Variants in SPTLC3 observed in about 807,000 individuals in gnomAD.
SPTLC3 encodes the protein serine palmitoyltransferase long chain base subunit 3.
In SPTLC3, 36 loss-of-function variants were observed where a neutral mutation model predicts 59.3. The ratio of observed to expected loss-of-function variants is 0.61; its 90% CI spans 0.47 to 0.80. The LOEUF is 0.80. Ranked by LOEUF, SPTLC3 falls within the 30% of genes least tolerant of loss-of-function variation. The pLI is 0.00. For missense variants in SPTLC3, 625 were observed against 685.1 expected, an observed-to-expected ratio of 0.91 and a Z score of 0.98; for synonymous variants, 257 against 240.8, an observed-to-expected ratio of 1.07 and a Z score of -0.62.
intron 6 of SPTLC3, among the ~76,000 whole-genome samples, chr20:13,097,844 A>G (rs1008744468): frequency 1.9e-4 from 29 of 152,332 alleles, no homozygotes; most frequent in African/African-American, 6.5e-4. Context: ...AAAGAACAGT[A>G]TCAGCCAAGT....
chr20:13,160,310 A>G (rs1159458152), intron 11 of SPTLC3, among the ~76,000 whole-genome samples, 178 bp downstream of exon 11: 1 of 152,194 alleles, frequency 6.6e-6, no homozygotes, highest in Non-Finnish European at 1.5e-5. Context: ...CACTGTGACC[A>G]CTCAGTAGAT....
chr20:13,027,653 A>G (rs1364692527), intron 1 of SPTLC3, among the ~76,000 whole-genome samples: 14 of 143,070 alleles, frequency 9.8e-5, no homozygotes, highest in Non-Finnish European at 1.5e-4. Flanking sequence ...ACACACACAC[A>G]CACACACACA....
chr20:13,041,859 G>T (rs745555207), intron 1 of SPTLC3, among the ~76,000 whole-genome samples: 4 of 151,902 alleles, frequency 2.6e-5, no homozygotes, highest in Non-Finnish European at 2.9e-5. Flanking sequence ...CTTAGAGAGT[G>T]CAGACTTCAG....
chr20:13,117,734 G>C lies in SPTLC3; in HGVS notation c.1152+9G>C. ...ACATAGCTGGAAGGAAGGTAAGAGA[G>C]GGCCTGCTTGTGTCTGTTTAAAACC... On this transcript the variant is annotated intron_variant, in intron 8 of 11. Transcript: ENST00000399002. 1 of 1,601,386 alleles carries C rather than the reference G, an allele frequency of 6.2e-7. No homozygotes were observed. The highest frequency in any genetic ancestry group is 8.5e-7 in the Non-Finnish European group (1 of 1,174,666).
chr20:13,091,045 A>G, intron 4 of SPTLC3, 38 bp from the exon 5 acceptor site: 3 of 1,608,706 alleles, frequency 1.9e-6, no homozygotes, highest in East Asian at 2.2e-5. Flanking sequence ...GCCTTGTTGA[A>G]AAGAGAAGGC....
At chr20:13,124,321 G>C (rs1187305479) in intron 8 of SPTLC3, among the ~76,000 whole-genome samples, 2 of 151,944 alleles carry the variant, frequency 1.3e-5, no homozygotes, top group Admixed American at 1.3e-4. Flanking sequence ...GGGGGAGGGG[G>C]AGAAGAAAAG....
chr20:13,092,269 G>A (rs1034218369), intron 5 of SPTLC3, among the ~76,000 whole-genome samples: 2 of 152,252 alleles, frequency 1.3e-5, no homozygotes, highest in Non-Finnish European at 2.9e-5. Context: ...AAATGGCAAT[G>A]AGCCATGTAA....
At chr20:13,124,960 A>G (rs1171120853) in intron 8 of SPTLC3, among the ~76,000 whole-genome samples, 2 of 152,212 alleles carry the variant, frequency 1.3e-5, no homozygotes, top group Admixed American at 1.3e-4. Context: ...ACACCTGCCT[A>G]AGTGGGATTC....
intron 9 of SPTLC3, chr20:13,132,820 T>G (rs1037676276): frequency 6.6e-6 from 1 of 152,134 alleles, no homozygotes; most frequent in African/African-American, 2.4e-5. Context: ...CCCCTTCTTT[T>G]TCCAACAGCC....
chr20:13,040,780 T>A (rs1986949764), intron 1 of SPTLC3, among the ~76,000 whole-genome samples: 1 of 152,112 alleles, frequency 6.6e-6, no homozygotes, highest in Admixed American at 6.5e-5. Context: ...GGTCTGCTAT[T>A]AACAGATTCT....
intron 11 of SPTLC3, among the ~76,000 whole-genome samples, chr20:13,160,993 G>A (rs553765101): frequency 3.3e-5 from 5 of 152,108 alleles, no homozygotes; most frequent in African/African-American, 4.8e-5. Context: ...TGAAATAAAC[G>A]TGACAAATGA....
At chr20:13,036,361 C>T (rs1986736104) in intron 1 of SPTLC3, among the ~76,000 whole-genome samples, 1 of 151,972 alleles carries the variant, frequency 6.6e-6, no homozygotes, top group East Asian at 1.9e-4. Flanking sequence ...TCTTCCTCCT[C>T]CTCCTCCTCC....
chr20:13,153,156 T>C (rs981561794), intron 9 of SPTLC3, among the ~76,000 whole-genome samples: 1 of 152,238 alleles, frequency 6.6e-6, no homozygotes. Flanking sequence ...AAACACTATC[T>C]AGCTTTGGCT....
intron 1 of SPTLC3, among the ~76,000 whole-genome samples, chr20:13,026,285 C>G (rs779835381): frequency 1.3e-5 from 2 of 152,134 alleles, no homozygotes; most frequent in African/African-American, 2.4e-5. Context: ...CTGTTTTTAG[C>G]TCTTTGAGGA....
At chr20:13,163,264 CT>C (rs1420349939) in intron 11 of SPTLC3, among the ~76,000 whole-genome samples, 4 of 149,884 alleles carry the variant, frequency 2.7e-5, no homozygotes, top group African/African-American at 9.8e-5. Flanking sequence ...GCTACTCGAA[CT>C]GCTGAGGCAG....
intron 6 of SPTLC3, among the ~76,000 whole-genome samples, chr20:13,105,821 A>G (rs1989860208): frequency 6.6e-6 from 1 of 152,142 alleles, no homozygotes; most frequent in Admixed American, 6.5e-5. Context: ...CATTCAGAGG[A>G]TTTGGTTATA....
chr20:13,101,732 G>A (rs970742122), intron 6 of SPTLC3, among the ~76,000 whole-genome samples: 1 of 152,084 alleles, frequency 6.6e-6, no homozygotes, highest in Non-Finnish European at 1.5e-5. Context: ...ATATGCACAC[G>A]AGGTACTTGG....
intron 9 of SPTLC3, among the ~76,000 whole-genome samples, chr20:13,132,051 C>A (rs1013210329): frequency 1.3e-5 from 2 of 152,080 alleles, no homozygotes; most frequent in Non-Finnish European, 2.9e-5. Flanking sequence ...TCTGACCTAT[C>A]GGCATAGCCC....
At chr20:13,068,603 AGT>A (rs1279075252) in intron 2 of SPTLC3, among the ~76,000 whole-genome samples, 8 of 152,282 alleles carry the variant, frequency 5.3e-5, no homozygotes, top group African/African-American at 1.9e-4. Context: ...CCCAAAAGCA[AGT>A]CAGTTCATTC....
Sources: gnomAD v4.1 joint callset for allele counts (sites outside exome capture counted in the v4.1 genomes callset) on GRCh38, gnomAD v4.1.1 for gene constraint, MANE v1.5 for transcripts, NCBI Gene and HGNC (gene_info 2026-07-23, HGNC 2026-07-21) for gene names.